AXDND1: variants seen among roughly 807,000 people sequenced by gnomAD.
AXDND1 encodes the protein axonemal dynein light chain domain containing 1.
Under a neutral mutation model 137.5 loss-of-function variants are expected in AXDND1, and 110 were observed. The observed-to-expected ratio is 0.80, with a 90% CI of 0.69 to 0.94. The LOEUF (loss-of-function observed/expected upper bound fraction) is 0.94. Ranked by LOEUF, AXDND1 falls within the 40% of genes least tolerant of loss-of-function variation. AXDND1 has a pLI of 0.00. For missense variants in AXDND1, 1,191 were observed against 1,169.8 expected (o/e 1.02, Z -0.26); for synonymous variants, 414 against 399.7 (o/e 1.04, Z -0.43).
At chr1:179,384,997 C>CA (rs1047099551) in intron 8 of AXDND1, among the ~76,000 whole-genome samples, 6 of 152,182 alleles carry the variant, frequency 3.9e-5, no homozygotes, top group African/African-American at 1.4e-4. Flanking sequence ...CTCCTTGCCT[C>CA]AAGCAATCTG....
intron 11 of AXDND1, among the ~76,000 whole-genome samples, chr1:179,402,873 A>G (rs893237509): frequency 2.6e-5 from 4 of 152,198 alleles, no homozygotes; most frequent in South Asian, 2.1e-4. Flanking sequence ...AAAGTCACCT[A>G]TGATCTTCAT....
At chr1:179,407,991 A>T (rs899651293) in intron 11 of AXDND1, among the ~76,000 whole-genome samples, 2 of 152,158 alleles carry the variant, frequency 1.3e-5, no homozygotes, top group African/African-American at 2.4e-5. Flanking sequence ...AGGTTTTTTC[A>T]AAAGACCTGT....
At chr1:179,546,805 G>C (rs1672695243) in intron 25 of AXDND1, among the ~76,000 whole-genome samples, 1 of 152,084 alleles carries the variant, frequency 6.6e-6, no homozygotes, top group African/African-American at 2.4e-5. Flanking sequence ...CAACCACCAG[G>C]CCTGGCTCTT....
chr1:179,428,003 T>C (rs936810245), intron 12 of AXDND1, among the ~76,000 whole-genome samples: 15 of 151,530 alleles, frequency 9.9e-5, no homozygotes, highest in African/African-American at 3.4e-4. Context: ...GTGGATTTGC[T>C]AAGGCAACTG....
chr1:179,544,727 G>A (rs1300824408), intron 25 of AXDND1: 7 of 151,354 alleles, frequency 4.6e-5, no homozygotes, highest in Non-Finnish European at 8.8e-5. Context: ...AAATCTTGAC[G>A]ATGCTGTTAG....
At chr1:179,374,689 G>A (rs1203645268) in intron 4 of AXDND1, among the ~76,000 whole-genome samples, 1 of 152,102 alleles carries the variant, frequency 6.6e-6, no homozygotes, top group Non-Finnish European at 1.5e-5. Flanking sequence ...CATGGATGAA[G>A]CTGGAAACCG....
At chr1:179,415,606 C>G (rs907917141) in intron 12 of AXDND1, among the ~76,000 whole-genome samples, 1 of 152,026 alleles carries the variant, frequency 6.6e-6, no homozygotes, top group Non-Finnish European at 1.5e-5. Flanking sequence ...TCTTCATTAC[C>G]CTCAAAAGAA....
intron 15 of AXDND1, among the ~76,000 whole-genome samples, chr1:179,435,811 T>C (rs768161171): frequency 2.0e-5 from 3 of 152,142 alleles, no homozygotes; most frequent in Non-Finnish European, 4.4e-5. Context: ...CCAAAAGCAA[T>C]TGCAACAAAA....
intron 13 of AXDND1, among the ~76,000 whole-genome samples, chr1:179,430,014 C>A (rs188780611): frequency 7.3e-5 from 11 of 150,480 alleles, no homozygotes; most frequent in Non-Finnish European, 1.6e-4. Context: ...TTACACTAGT[C>A]ATTTCATTTA....
chr1:179,529,401 G>A (rs910367211), intron 23 of AXDND1, among the ~76,000 whole-genome samples: 7 of 152,204 alleles, frequency 4.6e-5, no homozygotes, highest in Admixed American at 1.3e-4. Context: ...CTGATGTGAG[G>A]CAAATTGATT....
chr1:179,416,536 C>T (rs545125753), intron 12 of AXDND1, among the ~76,000 whole-genome samples: 5 of 152,338 alleles, frequency 3.3e-5, no homozygotes, highest in African/African-American at 9.6e-5. Flanking sequence ...TTCCCACCAA[C>T]AGCGTACAAG....
chr1:179,470,942 A>G (rs769190467), intron 17 of AXDND1, among the ~76,000 whole-genome samples: 30 of 152,044 alleles, frequency 2.0e-4, no homozygotes, highest in Non-Finnish European at 2.6e-4. Flanking sequence ...AATTTGTTGC[A>G]TGCTTTTACA....
At chr1:179,423,317 A>G (rs1417589173) in intron 12 of AXDND1, among the ~76,000 whole-genome samples, 1 of 151,966 alleles carries the variant, frequency 6.6e-6, no homozygotes, top group Non-Finnish European at 1.5e-5. Flanking sequence ...AACTTTCAGT[A>G]TGTATGTGTT....
chr1:179,550,682 A>G (rs1224067166), intron 25 of AXDND1: 2 of 184,664 alleles, frequency 1.1e-5, no homozygotes, highest in Non-Finnish European at 2.3e-5. Context: ...TGGAGCAAAA[A>G]GATTGAGTGT....
rs528024846 is a variant in AXDND1 at position 179,459,223 on chromosome 1, T to C, written c.1799-9220T>C. ...CGAATAATGGCCTTGAACTCCTGGGTTCAAACAATCCTCCTGCCTCAGCCT... is the reference window on the plus strand; with the variant it reads ...CGAATAATGGCCTTGAACTCCTGGGCTCAAACAATCCTCCTGCCTCAGCCT... On this transcript the variant is annotated intron_variant, in intron 16 of 25. Coordinates refer to ENST00000367618, the MANE Select transcript of AXDND1 (RefSeq NM_144696.6). Among the ~76,000 whole-genome samples, 451 of 152,236 alleles carry C rather than the reference T, an allele frequency of 3.0e-3. 1 individual carries two copies. The highest frequency in any genetic ancestry group is 4.6e-3 in the Non-Finnish European group (315 of 68,002).
At chr1:179,411,908 G>A (rs1244014240) in intron 12 of AXDND1, among the ~76,000 whole-genome samples, 1 of 151,822 alleles carries the variant, frequency 6.6e-6, no homozygotes, top group Non-Finnish European at 1.5e-5. Flanking sequence ...ATAGTGGTGA[G>A]TGGTGCAATC....
chr1:179,413,438 C>T (rs1355626100), intron 12 of AXDND1, among the ~76,000 whole-genome samples: 1 of 152,130 alleles, frequency 6.6e-6, no homozygotes, highest in Non-Finnish European at 1.5e-5. Flanking sequence ...CTATTATTTT[C>T]GTCCTTGTGT....
chr1:179,482,864 A>C (rs1440354145), intron 17 of AXDND1, among the ~76,000 whole-genome samples: 1 of 151,518 alleles, frequency 6.6e-6, no homozygotes, highest in Non-Finnish European at 1.5e-5. Context: ...AAGTTTTTAC[A>C]GTAGAGAGCT....
chr1:179,371,119 C>G (rs1667996571), intron 4 of AXDND1, among the ~76,000 whole-genome samples: 1 of 152,046 alleles, frequency 6.6e-6, no homozygotes, highest in East Asian at 1.9e-4. Flanking sequence ...GAATGTGGCA[C>G]TAAGCTGACA....
Sources: gnomAD v4.1 joint callset for allele counts (sites outside exome capture counted in the v4.1 genomes callset) on GRCh38, gnomAD v4.1.1 for gene constraint, MANE v1.5 for transcripts, NCBI Gene and HGNC (gene_info 2026-07-23, HGNC 2026-07-21) for gene names.